TMEM236: variants seen among roughly 807,000 people sequenced by gnomAD.
TMEM236 encodes transmembrane protein 236.
Under a neutral mutation model 14.7 loss-of-function variants are expected in TMEM236, and 11 were observed. The observed-to-expected ratio is 0.75, with a 90% CI of 0.47 to 1.24. The LOEUF (loss-of-function observed/expected upper bound fraction) is 1.24. Among genes scored for constraint, TMEM236 ranks in the 50% most tolerant of loss-of-function variants. The pLI is 0.00. For synonymous variants in TMEM236, 182 were observed against 168.6 expected, an observed-to-expected ratio of 1.08 and a Z score of -0.62; for missense variants, 464 against 427.3, an observed-to-expected ratio of 1.09 and a Z score of -0.76.
chr10:17,792,764 G>A (rs933787143), intron 3 of TMEM236, among the ~76,000 whole-genome samples: 1 of 152,124 alleles, frequency 6.6e-6, no homozygotes, highest in Admixed American at 6.5e-5. Flanking sequence ...CTCTCTTTAT[G>A]CTTATATCTT....
chr10:17,753,690 A>G (rs915854637), intron 1 of TMEM236, among the ~76,000 whole-genome samples: 2 of 152,202 alleles, frequency 1.3e-5, no homozygotes, highest in Non-Finnish European at 2.9e-5. Context: ...GCCATTGTGA[A>G]TAGTACTGCA....
At chr10:17,786,185 G>A (rs1837834679) in intron 3 of TMEM236, among the ~76,000 whole-genome samples, 2 of 152,172 alleles carry the variant, frequency 1.3e-5, no homozygotes, top group African/African-American at 4.8e-5. Flanking sequence ...GAGACTGATA[G>A]GAATAAGGGA....
intron 2 of TMEM236, among the ~76,000 whole-genome samples, chr10:17,772,848 C>T (rs1307375397): frequency 1.3e-5 from 2 of 152,128 alleles, no homozygotes; most frequent in Non-Finnish European, 2.9e-5. Flanking sequence ...GACTCCCTTT[C>T]CCTCCTTTCC....
intron 1 of TMEM236, among the ~76,000 whole-genome samples, chr10:17,770,648 G>T (rs1447836825): frequency 1.3e-5 from 2 of 152,206 alleles, no homozygotes; most frequent in East Asian, 3.9e-4. Context: ...CTCCCAAAAT[G>T]CTGGGATTAC....
chr10:17,764,567 A>G (rs1286271014), intron 1 of TMEM236, among the ~76,000 whole-genome samples: 1 of 152,182 alleles, frequency 6.6e-6, no homozygotes, highest in Non-Finnish European at 1.5e-5. Flanking sequence ...GGCTTAAACA[A>G]CAGAAATTTG....
intron 3 of TMEM236, among the ~76,000 whole-genome samples, chr10:17,779,553 G>A (rs1402552929): frequency 6.6e-6 from 1 of 152,112 alleles, no homozygotes; most frequent in Non-Finnish European, 1.5e-5. Flanking sequence ...TGGGAATACA[G>A]GAGGGCACCA....
At chr10:17,784,954 G>A (rs1435483781) in intron 3 of TMEM236, among the ~76,000 whole-genome samples, 3 of 152,256 alleles carry the variant, frequency 2.0e-5, no homozygotes, top group South Asian at 4.1e-4. Flanking sequence ...GGCCAATCCA[G>A]ATAATGTGAT....
chr10:17,796,541 C>A lies in TMEM236; in HGVS notation c.*37C>A. 6.7e-7 allele frequency: 1 copy of A among 1,501,758 alleles called. No homozygotes were observed. Among genetic ancestry groups the A allele is most frequent in the Non-Finnish European group, 9.3e-7 (1 of 1,078,496 alleles). 93.0% of individuals were successfully genotyped at this position (1,501,758 alleles called of 1,614,324 possible). ...GATCTAGTAAGGCCTCTTTGTGATACCTGTGTGCACATTTGTAATCCTTCT... is the reference window on the plus strand; with the variant it reads ...GATCTAGTAAGGCCTCTTTGTGATAACTGTGTGCACATTTGTAATCCTTCT... On this transcript the variant is annotated 3_prime_UTR_variant, in exon 4 of 4. Transcript: ENST00000377495.
intron 3 of TMEM236, among the ~76,000 whole-genome samples, chr10:17,788,844 G>A (rs2131764196): frequency 1.3e-5 from 2 of 152,314 alleles, no homozygotes; most frequent in South Asian, 4.1e-4. Flanking sequence ...GGGAATGCAT[G>A]CCCACAGGCT....
intron 3 of TMEM236, among the ~76,000 whole-genome samples, chr10:17,793,268 G>T (rs1189350012): frequency 6.6e-6 from 1 of 152,152 alleles, no homozygotes; most frequent in African/African-American, 2.4e-5. Flanking sequence ...AAATGTTAAT[G>T]TGTCACTTTT....
At chr10:17,768,727 ATGTGTGTGTGTG>A (rs570319904) in intron 1 of TMEM236, among the ~76,000 whole-genome samples, 28 of 144,306 alleles carry the variant, frequency 1.9e-4, no homozygotes, top group Middle Eastern at 3.5e-3. Flanking sequence ...TATACAACTC[ATGTGTGTGTGTG>A]TGTGTGTGTG....
chr10:17,784,526 A>G (rs983415051), intron 3 of TMEM236, among the ~76,000 whole-genome samples: 4 of 152,214 alleles, frequency 2.6e-5, no homozygotes, highest in Admixed American at 2.0e-4. Context: ...AATTAAGAGC[A>G]GTGCTTCTCA....
At chr10:17,789,512 G>A (rs1240080937) in intron 3 of TMEM236, among the ~76,000 whole-genome samples, 4 of 152,276 alleles carry the variant, frequency 2.6e-5, no homozygotes, top group African/African-American at 9.6e-5. Flanking sequence ...TTCACTGTGA[G>A]GTTGATGTCC....
At chr10:17,779,338 G>C (rs1378287458) in intron 3 of TMEM236, among the ~76,000 whole-genome samples, 2 of 151,936 alleles carry the variant, frequency 1.3e-5, no homozygotes, top group Non-Finnish European at 2.9e-5. Flanking sequence ...TGTGATTGCT[G>C]CTGCTGCTCT....
chr10:17,796,679 G>A lies in TMEM236; in HGVS notation c.*175G>A. ...GTTTTTTTTTTTACATATACAAATG[G>A]TGCTAAATTTAAGTAAAGTAATATT... is the stretch of plus-strand genomic sequence containing the variant. On this transcript the variant is annotated 3_prime_UTR_variant, in exon 4 of 4. Transcript: ENST00000377495. 1 of 620,174 alleles carries A rather than the reference G, an allele frequency of 1.6e-6. No homozygotes were observed. The highest frequency in any genetic ancestry group is 2.8e-6 in the Non-Finnish European group (1 of 356,606). 38.4% of individuals were successfully genotyped at this position (620,174 alleles called of 1,614,324 possible).
At chr10:17,762,043 T>TC (rs1837373590) in intron 1 of TMEM236, among the ~76,000 whole-genome samples, 1 of 152,122 alleles carries the variant, frequency 6.6e-6, no homozygotes, top group African/African-American at 2.4e-5. Context: ...ACTGCCTAAT[T>TC]CCCCATTTCT....
chr10:17,775,104 A>G (rs1837638166), intron 2 of TMEM236, among the ~76,000 whole-genome samples: 1 of 152,024 alleles, frequency 6.6e-6, no homozygotes, highest in Admixed American at 6.6e-5. Context: ...ACCAGCCTAC[A>G]CTGTTTATTT....
At chr10:17,785,561 C>CA (rs1163350205) in intron 3 of TMEM236, among the ~76,000 whole-genome samples, 3 of 149,956 alleles carry the variant, frequency 2.0e-5, no homozygotes, top group African/African-American at 7.3e-5. Context: ...AACAAACAAA[C>CA]AAAAAAAGGA....
chr10:17,787,837 T>C (rs1034405879), intron 3 of TMEM236, among the ~76,000 whole-genome samples: 19 of 152,300 alleles, frequency 1.2e-4, no homozygotes, highest in African/African-American at 4.3e-4. Flanking sequence ...TTTAATCCAT[T>C]ATGCATCAGT....
Sources: allele counts gnomAD v4.1 joint callset (sites outside exome capture counted in the v4.1 genomes callset), GRCh38; gene constraint gnomAD v4.1.1; transcripts MANE v1.5; gene names NCBI Gene and HGNC (gene_info 2026-07-23, HGNC 2026-07-21).